Variants in CMPK2 observed in about 807,000 individuals in gnomAD.
The protein encoded by CMPK2 is cytidine/uridine monophosphate kinase 2, also known as UMP-CMP kinase 2, mitochondrial.
In CMPK2, 32 loss-of-function variants were observed where a neutral mutation model predicts 33.4. The observed-to-expected ratio is 0.96, with a 90% CI of 0.72 to 1.29. The LOEUF (loss-of-function observed/expected upper bound fraction) is 1.29, where lower values mean the gene tolerates loss of function less well. Among genes scored for constraint, CMPK2 ranks in the 50% most tolerant of loss-of-function variants. CMPK2 has a pLI of 0.00. For synonymous variants in CMPK2, 299 were observed against 275.3 expected, an observed-to-expected ratio of 1.09 and a Z score of -0.85; for missense variants, 672 against 616.0, an observed-to-expected ratio of 1.09 and a Z score of -0.96.
In CMPK2 at chr2:6,861,318, A is replaced by G. The variant is rs1662874866; in HGVS notation, c.858T>C (p.Ser286=). 6.2e-7 allele frequency: 1 copy of G among 1,614,040 alleles called. No homozygotes were observed. Among genetic ancestry groups the G allele is most frequent in the Non-Finnish European group, 8.5e-7 (1 of 1,180,024 alleles). ...LKAVLLKSPP[S]CIGQWRKIFD... ...AGATCTTCCTCCACTGGCCAATGCA[A>G]GAGGGTGGTGACTTTAAGAGGACAG... The change falls in exon 3 of 5, where the codon TCT becomes TCC. Residue 286 remains serine, a synonymous_variant. Transcript: ENST00000256722.
At chr2:6,847,129 G>A (rs1209529590), downstream of CMPK2, among the ~76,000 whole-genome samples, 4 of 152,258 alleles carry the variant, frequency 2.6e-5, no homozygotes, top group Middle Eastern at 6.8e-3. Context: ...GAATGAATGT[G>A]CTTAGTCTAC....
At chr2:6,845,343 C>T (rs1662332664), downstream of CMPK2, among the ~76,000 whole-genome samples, 2 of 152,152 alleles carry the variant, frequency 1.3e-5, no homozygotes, top group Admixed American at 6.5e-5. Context: ...GAGGAGATTA[C>T]AGACTGCAGA....
At chr2:6,842,535 G>A (rs1313539748) in intron 3 of CMPK2, among the ~76,000 whole-genome samples, 4 of 152,160 alleles carry the variant, frequency 2.6e-5, no homozygotes, top group Non-Finnish European at 4.4e-5. Flanking sequence ...GATGGCTGCT[G>A]GGCTGGGCCT....
chr2:6,849,495 G>A lies in CMPK2; in HGVS notation c.*355C>T, dbSNP rs968814776. ...GGCTCCGGGGTCTCCCTGCTGATCT[G>A]GAAGATCTTGTCTGCTGCTTCTGTA... On this transcript the variant is annotated 3_prime_UTR_variant, in exon 5 of 5. Coordinates refer to ENST00000256722, the MANE Select transcript of CMPK2 (RefSeq NM_207315.4). 1 of 1,035,054 alleles carries A rather than the reference G, an allele frequency of 9.7e-7. No individual in the cohort carries two copies. The highest frequency in any genetic ancestry group is 3.5e-5 in the South Asian group (1 of 28,844). 64.1% of individuals were successfully genotyped at this position (1,035,054 alleles called of 1,614,324 possible).
At chr2:6,855,844 G>A (rs1315791314) in intron 3 of CMPK2, among the ~76,000 whole-genome samples, 1 of 152,140 alleles carries the variant, frequency 6.6e-6, no homozygotes, top group Non-Finnish European at 1.5e-5. Flanking sequence ...TCTCTTGATG[G>A]AATATTTCAG....
chr2:6,842,952 C>A lies in CMPK2; in HGVS notation c.993-2274G>T, dbSNP rs550134370. ...ACTTTAGATTTGGAAATTTTATATC[C>A]ACTACCTGCTAGAAAATTAAGAAGA... On this transcript the variant is annotated intron_variant, in intron 3 of 3. Coordinates refer to the CMPK2 transcript ENST00000458098. Among the ~76,000 whole-genome samples, 3 of 152,276 alleles carry A rather than the reference C, an allele frequency of 2.0e-5. No homozygotes were observed. The East Asian group carries it at 5.8e-4, about 29-fold the overall frequency.
chr2:6,846,765 T>C (rs1435456246), downstream of CMPK2, among the ~76,000 whole-genome samples: 3 of 152,092 alleles, frequency 2.0e-5, no homozygotes, highest in Non-Finnish European at 4.4e-5. Context: ...AGGCCCTCTG[T>C]GAAAGCAAAC....
In CMPK2 at chr2:6,851,521, C is replaced by A. The variant is rs749556202; in HGVS notation, c.1155G>T (p.Arg385Ser). 2.0e-5 allele frequency: 33 copies of A among 1,614,120 alleles called. No individual in the cohort carries two copies. The highest frequency in any genetic ancestry group is 2.8e-5 in the Non-Finnish European group (33 of 1,180,050). The change falls in exon 4 of 5, where the codon AGG (arginine) becomes AGT (serine). Residue 385 changes from arginine to serine, a missense_variant. By Grantham distance (110) the Arg-to-Ser change is moderately radical (BLOSUM62 -1). Coordinates refer to ENST00000256722, the MANE Select transcript of CMPK2 (RefSeq NM_207315.4). ...TCTTCTCCATGCCCCGGCCCTGCAG[C>A]CTCTGCAACCTCTCCTCAGGACTCA... is the stretch of plus-strand genomic sequence containing the variant. ...LTVSPEERLQ[R>S]LQGRGMEKTR... is the part of the protein sequence containing the mutation.
At chr2:6,845,280 T>C (rs1481130936), downstream of CMPK2, among the ~76,000 whole-genome samples, 2 of 152,134 alleles carry the variant, frequency 1.3e-5, no homozygotes, top group South Asian at 2.1e-4. Flanking sequence ...TATGAGCCAT[T>C]TTATCATCAG....
Position 6,849,376 on chromosome 2 carries a change from C to A in CMPK2, c.*474G>T. 1.0e-6 allele frequency: 1 copy of A among 986,780 alleles called. No individual in the cohort carries two copies. The highest frequency in any genetic ancestry group is 1.2e-6 in the Non-Finnish European group (1 of 830,968). 61.1% of individuals were successfully genotyped at this position (986,780 alleles called of 1,614,324 possible). A position where few individuals can be genotyped will look rare whatever the true frequency, so the allele number is the denominator to read the frequency against. On this transcript the variant is annotated 3_prime_UTR_variant, in exon 5 of 5. Transcript: ENST00000256722. The stretch of plus-strand genomic sequence containing the variant: ...CTAGAATTTGGGACTGAGGGAGATG[C>A]AGCGAGCCCATCATGACGAGTGCAA...
chr2:6,865,550 G>A lies in CMPK2; in HGVS notation c.147C>T (p.Ala49=), dbSNP rs1038326967. The A allele has an allele frequency of 2.3e-6, 3 of 1,314,156 alleles. No homozygotes were observed. Among genetic ancestry groups the A allele is most frequent in the South Asian group, 2.1e-5 (1 of 47,710 alleles). The allele number at this position is 1,314,156 out of a possible 1,614,324, so 81.4% of individuals were successfully genotyped here. The part of the protein sequence containing the change: ...DCTLAHFALG[A]DAPGDADAPD... ...GGGCGTCTGCGTCGCCGGGGGCGTC[G>A]GCGCCTAGGGCGAAGTGAGCCAGGG... Residue 49 remains alanine (A), a synonymous_variant, in exon 1 of 5, where the codon GCC becomes GCT. Coordinates refer to ENST00000256722, the MANE Select transcript of CMPK2 (RefSeq NM_207315.4).
chr2:6,863,428 G>A lies in CMPK2; in HGVS notation c.790+36C>T, dbSNP rs199695302. On this transcript the variant is annotated intron_variant, in intron 2 of 4. Transcript: ENST00000256722. The stretch of plus-strand genomic sequence containing the variant: ...CTGTTTCTGCAACTAATCAGTTAGT[G>A]TCATTGCCTATAACTAAAAGGTAAT... 9.8e-4 allele frequency: 1,514 copies of A among 1,545,812 alleles called. 1 individual carries two copies. The highest frequency in any genetic ancestry group is 1.2e-3 in the Non-Finnish European group (1,392 of 1,119,996).
In CMPK2 at chr2:6,849,842, C is replaced by A. The variant is rs1169449366; in HGVS notation, c.*8G>T. On this transcript the variant is annotated 3_prime_UTR_variant, in exon 5 of 5. Transcript: ENST00000256722. ...AATCTAGTTAGACGTGGCACCTGGC[C>A]AGAGTAACTACGGTTCACTAAAACT... The A allele has an allele frequency of 1.2e-6, 2 of 1,613,622 alleles. No individual in the cohort carries two copies. The highest frequency in any genetic ancestry group is 8.5e-7 in the Non-Finnish European group (1 of 1,179,826).
chr2:6,858,271 A>G (rs1368902382), intron 3 of CMPK2, among the ~76,000 whole-genome samples: 3 of 149,868 alleles, frequency 2.0e-5, no homozygotes, highest in Non-Finnish European at 3.0e-5. Flanking sequence ...GCCTTCCTAA[A>G]CCATATCTAG....
Position 6,865,090 on chromosome 2 carries a change from C to T in CMPK2, c.607G>A (p.Val203Met). The change falls in exon 1 of 5, where the codon GTG (valine) becomes ATG (methionine). Residue 203 changes from valine (V) to methionine (M), a missense_variant. Val to Met is a conservative substitution (Grantham distance 21). Coordinates refer to ENST00000256722, the MANE Select transcript of CMPK2 (RefSeq NM_207315.4). ...ACGGAACTGGGCAAGTCTGGCACCA[C>T]CGGGTGCAGCGGGGGCTCCGGGACG... Reference protein sequence around the residue: ...VPVPEPPLHPVVPDLPSSVVF... With the variant: ...VPVPEPPLHPMVPDLPSSVVF... 1 of 1,492,954 alleles carries T rather than the reference C, an allele frequency of 6.7e-7. No homozygotes were observed. Among genetic ancestry groups the T allele is most frequent in the Non-Finnish European group, 8.9e-7 (1 of 1,120,958 alleles). 92.5% of individuals were successfully genotyped at this position (1,492,954 alleles called of 1,614,324 possible).
At position 6,865,172 on chromosome 2, in the gene CMPK2, GC is replaced by G; in HGVS notation, c.524del (p.Arg175ProfsTer94). 1 of 1,535,644 alleles carries G rather than the reference GC, an allele frequency of 6.5e-7. No homozygotes were observed. Among genetic ancestry groups the G allele is most frequent in the Non-Finnish European group, 8.7e-7 (1 of 1,143,460 alleles). On this transcript the variant is annotated frameshift_variant, in exon 1 of 5. Coordinates refer to ENST00000256722, the MANE Select transcript of CMPK2 (RefSeq NM_207315.4). LOFTEE classifies it high-confidence loss of function. ...GCCTGCCGTCTTGCACCTCCCAGAGGCGCTGCCACAGCTGGCCGCGCGGGTC... is the reference window on the plus strand; with the variant it reads ...GCCTGCCGTCTTGCACCTCCCAGAGGGCTGCCACAGCTGGCCGCGCGGGTC... ...EADPRGQLWQ[R>X]LWEVQDGRRL... is the part of the protein sequence containing the mutation.
downstream of CMPK2, chr2:6,848,287 C>T: frequency 1.1e-6 from 1 of 924,762 alleles, no homozygotes; most frequent in Non-Finnish European, 1.3e-6. Flanking sequence ...ACTTTTCAGA[C>T]AAATCAATAT....
intron 1 of CMPK2, among the ~76,000 whole-genome samples, 193 bp from the exon 2 acceptor site, chr2:6,863,771 G>A (rs2712040): frequency 0.95 from 145,159 of 152,336 alleles, 69,540 homozygotes; most frequent in East Asian, 1. Context: ...TTGAGCAGCC[G>A]AGGCTCGAAA....
chr2:6,865,105 G>A lies in CMPK2; in HGVS notation c.592C>T (p.Pro198Ser), dbSNP rs575313172. 1 of 1,505,356 alleles carries A rather than the reference G, an allele frequency of 6.6e-7. No homozygotes were observed. The highest frequency in any genetic ancestry group is 8.9e-7 in the Non-Finnish European group (1 of 1,125,864). 93.2% of individuals were successfully genotyped at this position (1,505,356 alleles called of 1,614,324 possible). ...TCTGGCACCACCGGGTGCAGCGGGG[G>A]CTCCGGGACGGGCACGACCTGTGCG... Reference protein sequence around the residue: ...GCAQVVPVPEPPLHPVVPDLP... With the variant: ...GCAQVVPVPESPLHPVVPDLP... The change falls in exon 1 of 5, where the codon CCC (proline) becomes TCC (serine). Residue 198 changes from proline to serine, a missense_variant. Coordinates refer to ENST00000256722, the MANE Select transcript of CMPK2 (RefSeq NM_207315.4).
Sources: allele counts gnomAD v4.1 joint callset (sites outside exome capture counted in the v4.1 genomes callset), GRCh38; gene constraint gnomAD v4.1.1; transcripts MANE v1.5; gene names NCBI Gene and HGNC (gene_info 2026-07-23, HGNC 2026-07-21).